Variants in ADGRL3 observed in about 807,000 individuals in gnomAD.
The protein encoded by ADGRL3 is adhesion G protein-coupled receptor L3, also known as calcium-independent alpha-latrotoxin receptor 3.
ADGRL3 carries 62 observed loss-of-function variants against 153.5 expected under a neutral mutation model. That is an observed-to-expected ratio of 0.40 (90% confidence interval 0.33 to 0.50). The LOEUF (loss-of-function observed/expected upper bound fraction) is 0.50. Among genes scored for constraint, ADGRL3 ranks in the 20% least tolerant of loss-of-function variants. The pLI, the probability that ADGRL3 is intolerant of heterozygous loss-of-function variation, is 0.47. For missense variants in ADGRL3, 1,641 were observed against 1,859.4 expected, an observed-to-expected ratio of 0.88 and a Z score of 2.16; for synonymous variants, 710 against 672.5, an observed-to-expected ratio of 1.06 and a Z score of -0.86.
rs114994586 is a variant in ADGRL3, at chr4:61,737,463, G to A, written c.1399+3909G>A. On this transcript the variant is annotated intron_variant, in intron 8 of 26. Transcript: ENST00000683033. ...ATAGGTAGCATAGGCTTCTGAACAT[G>A]AGCTTGGGAGTCAGAAGGACGTGGG... Among the ~76,000 whole-genome samples the A allele has an allele frequency of 8.8e-3, 1,343 of 152,252 alleles. 29 individuals carry two copies. Among genetic ancestry groups the A allele is most frequent in the African/African-American group, 0.031 (1,271 of 41,562 alleles).
At chr4:61,478,419 A>G (rs1203359912) in intron 2 of ADGRL3, among the ~76,000 whole-genome samples, 4 of 152,080 alleles carry the variant, frequency 2.6e-5, no homozygotes, top group Non-Finnish European at 4.4e-5. Context: ...GACAGAGGTC[A>G]TGTCTGAGAG....
intron 2 of ADGRL3, among the ~76,000 whole-genome samples, chr4:61,442,342 G>A (rs1373624831): frequency 6.6e-6 from 1 of 152,194 alleles, no homozygotes; most frequent in South Asian, 2.1e-4. Context: ...AGCCAATGTG[G>A]CTAGAGAATC....
chr4:61,319,799 A>G (rs760050844), intron 1 of ADGRL3, among the ~76,000 whole-genome samples: 4 of 152,198 alleles, frequency 2.6e-5, no homozygotes, highest in Admixed American at 1.3e-4. Flanking sequence ...TGAGTAAGGT[A>G]AGGTGCTTCT....
At chr4:61,904,231 G>C (rs991991294) in intron 11 of ADGRL3, among the ~76,000 whole-genome samples, 10 of 141,636 alleles carry the variant, frequency 7.1e-5, no homozygotes, top group African/African-American at 2.6e-4. Context: ...CTATTTTCAA[G>C]AGAATTCATT....
intron 2 of ADGRL3, among the ~76,000 whole-genome samples, chr4:61,403,345 C>T (rs1227193934): frequency 6.6e-6 from 1 of 152,040 alleles, no homozygotes; most frequent in Non-Finnish European, 1.5e-5. Flanking sequence ...GAACGTCCTA[C>T]CATCTAACCT....
intron 8 of ADGRL3, among the ~76,000 whole-genome samples, chr4:61,784,975 TAAG>T (rs2097260654): frequency 6.6e-6 from 1 of 152,090 alleles, no homozygotes; most frequent in African/African-American, 2.4e-5. Context: ...TCAAGTTTGT[TAAG>T]AAGAGTGAGT....
intron 1 of ADGRL3, among the ~76,000 whole-genome samples, chr4:61,266,371 TATTC>T (rs1301479686): frequency 1.3e-5 from 2 of 151,796 alleles, no homozygotes; most frequent in Non-Finnish European, 2.9e-5. Context: ...TGCTCAAACA[TATTC>T]ATAAAGCAGA....
chr4:61,676,939 T>G lies in ADGRL3; in HGVS notation c.583+4T>G, dbSNP rs1360568698. The G allele has an allele frequency of 6.4e-7, 1 of 1,552,806 alleles. No homozygotes were observed. Among genetic ancestry groups the G allele is most frequent in the African/African-American group, 1.4e-5 (1 of 73,538 alleles). On this transcript the variant is annotated splice_donor_region_variant and intron_variant, in intron 6 of 26. Coordinates refer to ENST00000683033, the MANE Select transcript of ADGRL3 (RefSeq NM_001387552.1). Reference sequence around the variant, plus strand: ...CAGTATGAATGTGTCCCTTACAGTATGTATATTCCTATACTTTTCTTGGCA... The same window carrying G: ...CAGTATGAATGTGTCCCTTACAGTAGGTATATTCCTATACTTTTCTTGGCA...
At chr4:61,584,118 CAGTT>C (rs1414884653) in intron 4 of ADGRL3, among the ~76,000 whole-genome samples, 4 of 151,712 alleles carry the variant, frequency 2.6e-5, no homozygotes, top group Admixed American at 2.0e-4. Context: ...GCTATTAAAA[CAGTT>C]AGTAACATAA....
chr4:61,702,664 C>T (rs1254093115), intron 6 of ADGRL3, among the ~76,000 whole-genome samples: 1 of 152,072 alleles, frequency 6.6e-6, no homozygotes, highest in African/African-American at 2.4e-5. Flanking sequence ...AAGAAATTTG[C>T]TGAAAGCCTC....
chr4:61,752,313 T>C (rs907175755), intron 8 of ADGRL3, among the ~76,000 whole-genome samples: 5 of 152,282 alleles, frequency 3.3e-5, no homozygotes, highest in Non-Finnish European at 5.9e-5. Flanking sequence ...TACAATAGGC[T>C]TGGAAAGCCT....
At chr4:61,315,833 C>A (rs961759315) in intron 1 of ADGRL3, among the ~76,000 whole-genome samples, 12 of 152,074 alleles carry the variant, frequency 7.9e-5, no homozygotes, top group Non-Finnish European at 2.9e-5. Flanking sequence ...AAGTTAAATG[C>A]CAAATGAACT....
At chr4:62,036,780 TA>T (rs1238605420) in intron 23 of ADGRL3, among the ~76,000 whole-genome samples, 3 of 152,068 alleles carry the variant, frequency 2.0e-5, no homozygotes, top group African/African-American at 7.2e-5. Context: ...TGTTGTTTCA[TA>T]ATATAAATTC....
At chr4:61,243,846 G>T (rs925674027) in intron 1 of ADGRL3, among the ~76,000 whole-genome samples, 1 of 151,880 alleles carries the variant, frequency 6.6e-6, no homozygotes, top group African/African-American at 2.4e-5. Flanking sequence ...ATAAGTTAAA[G>T]GACATTATTT....
intron 6 of ADGRL3, among the ~76,000 whole-genome samples, chr4:61,715,056 T>A (rs2096078604): frequency 6.6e-6 from 1 of 152,236 alleles, no homozygotes; most frequent in Admixed American, 6.5e-5. Flanking sequence ...GAGATCTGAT[T>A]TGGTAGAATG....
At chr4:61,936,100 T>G in intron 15 of ADGRL3, 55 bp downstream of exon 15, 1 of 1,591,472 alleles carries the variant, frequency 6.3e-7, no homozygotes, top group Non-Finnish European at 8.6e-7. Flanking sequence ...ATCAGTTCAT[T>G]TCTTTTTGGC....
At chr4:61,452,031 T>C (rs2097681010) in intron 2 of ADGRL3, among the ~76,000 whole-genome samples, 2 of 152,206 alleles carry the variant, frequency 1.3e-5, no homozygotes, top group Admixed American at 1.3e-4. Context: ...AGATGTTGTA[T>C]TCATTGTTCA....
intron 4 of ADGRL3, among the ~76,000 whole-genome samples, chr4:61,562,785 C>T (rs992550525): frequency 6.6e-6 from 1 of 151,956 alleles, no homozygotes; most frequent in Non-Finnish European, 1.5e-5. Context: ...TTTCTAAGCT[C>T]CTGTTTATTT....
chr4:61,998,336 A>G (rs1160334010), intron 21 of ADGRL3, 71 bp downstream of exon 21: 3 of 724,446 alleles, frequency 4.1e-6, no homozygotes, highest in Non-Finnish European at 6.5e-6. Flanking sequence ...TTTCTATTAT[A>G]TCAAAATCTT....
Sources: allele counts gnomAD v4.1 joint callset (sites outside exome capture counted in the v4.1 genomes callset), GRCh38; gene constraint gnomAD v4.1.1; transcripts MANE v1.5; gene names NCBI Gene and HGNC (gene_info 2026-07-23, HGNC 2026-07-21).